Variants in PTPRT observed in about 807,000 individuals in gnomAD.
The protein encoded by PTPRT is protein tyrosine phosphatase receptor type T, also known as receptor-type tyrosine-protein phosphatase T.
Under a neutral mutation model 176.8 loss-of-function variants are expected in PTPRT, and 56 were observed. The observed-to-expected ratio is 0.32, with a 90% CI of 0.26 to 0.40. PTPRT has a LOEUF of 0.40. Ranked by LOEUF, PTPRT falls within the 10% of genes least tolerant of loss-of-function variation. The probability of loss-of-function intolerance (pLI) is 1.00; values close to 1 mark genes in which losing one functional copy is unlikely to be tolerated. For synonymous variants in PTPRT, 783 were observed against 739.0 expected (o/e 1.06, Z -0.96); for missense variants, 1,540 against 1,908.2 (o/e 0.81, Z 3.60).
At chr20:42,992,601 C>T (rs988740444) in intron 1 of PTPRT, among the ~76,000 whole-genome samples, 1 of 152,122 alleles carries the variant, frequency 6.6e-6, no homozygotes, top group South Asian at 2.1e-4. Flanking sequence ...ATAGCTGAGC[C>T]AAAAAAGAAA....
At chr20:42,543,139 G>C (rs910637996) in intron 7 of PTPRT, among the ~76,000 whole-genome samples, 3 of 152,160 alleles carry the variant, frequency 2.0e-5, no homozygotes, top group Non-Finnish European at 4.4e-5. Flanking sequence ...AGTGAAGTTT[G>C]CAGTATCAAT....
chr20:42,897,742 A>G (rs1160744724), intron 1 of PTPRT, among the ~76,000 whole-genome samples: 2 of 152,114 alleles, frequency 1.3e-5, no homozygotes, highest in Non-Finnish European at 2.9e-5. Flanking sequence ...TTACTTAGTT[A>G]TATGACCTTG....
Position 42,073,103 on chromosome 20 carries a change from A to G in PTPRT, c.*7776T>C, listed in dbSNP as rs1422119969. ...AAGTGCAGGCCATTGGGATTCATGGAGGAGGCTGCAAAGAGTGTGGAGACT... is the reference window on the plus strand; with the variant it reads ...AAGTGCAGGCCATTGGGATTCATGGGGGAGGCTGCAAAGAGTGTGGAGACT... On this transcript the variant is annotated 3_prime_UTR_variant, in exon 31 of 31. Coordinates refer to ENST00000373187, the MANE Select transcript of PTPRT (RefSeq NM_007050.6). 1 of 210,564 alleles carries G rather than the reference A, an allele frequency of 4.7e-6. No individual in the cohort carries two copies. Among genetic ancestry groups the G allele is most frequent in the Non-Finnish European group, 9.7e-6 (1 of 103,504 alleles). The allele number at this position is 210,564 out of a possible 1,614,324, so 13.0% of individuals were successfully genotyped here.
intron 1 of PTPRT, among the ~76,000 whole-genome samples, chr20:43,047,004 G>A (rs1217318119): frequency 6.6e-6 from 1 of 152,102 alleles, no homozygotes; most frequent in Non-Finnish European, 1.5e-5. Context: ...CTCTTGGACT[G>A]GTTTTGCTTA....
At chr20:42,267,852 TA>T (rs1276802230) in intron 13 of PTPRT, among the ~76,000 whole-genome samples, 1 of 152,210 alleles carries the variant, frequency 6.6e-6, no homozygotes, top group Non-Finnish European at 1.5e-5. Context: ...GCAAAGAAGT[TA>T]AAGCTTTTAT....
At chr20:43,153,762 G>A (rs1373999865) in intron 1 of PTPRT, among the ~76,000 whole-genome samples, 2 of 152,140 alleles carry the variant, frequency 1.3e-5, no homozygotes, top group South Asian at 2.1e-4. Context: ...AAAGATTAGC[G>A]CAATCGGTCA....
At chr20:42,932,752 C>T (rs529367786) in intron 1 of PTPRT, among the ~76,000 whole-genome samples, 1 of 152,318 alleles carries the variant, frequency 6.6e-6, no homozygotes, top group South Asian at 2.1e-4. Context: ...CTTAAAAATC[C>T]TCTATCCACC....
At chr20:43,052,202 T>C (rs1987075356) in intron 1 of PTPRT, among the ~76,000 whole-genome samples, 1 of 152,218 alleles carries the variant, frequency 6.6e-6, no homozygotes, top group Admixed American at 6.5e-5. Flanking sequence ...CGATTGCCTT[T>C]ATAGTGGTAG....
chr20:42,298,146 TA>T (rs1472061408), intron 12 of PTPRT, among the ~76,000 whole-genome samples: 1 of 151,996 alleles, frequency 6.6e-6, no homozygotes, highest in Non-Finnish European at 1.5e-5. Context: ...TAAATAACTT[TA>T]AAAATTGATA....
intron 18 of PTPRT, among the ~76,000 whole-genome samples, chr20:42,135,809 A>G (rs1288874116): frequency 6.6e-6 from 1 of 152,138 alleles, no homozygotes; most frequent in East Asian, 1.9e-4. Context: ...GGCTCCAAAA[A>G]GTTTAATAAC....
intron 15 of PTPRT, among the ~76,000 whole-genome samples, chr20:42,216,114 C>T (rs560281154): frequency 6.6e-6 from 1 of 152,312 alleles, no homozygotes; most frequent in South Asian, 2.1e-4. Flanking sequence ...CTTCTCCGTT[C>T]CACACTCACA....
At chr20:42,373,790 T>C (rs1388577521) in intron 9 of PTPRT, among the ~76,000 whole-genome samples, 1 of 152,180 alleles carries the variant, frequency 6.6e-6, no homozygotes, top group African/African-American at 2.4e-5. Flanking sequence ...TGCACACTGT[T>C]TGAGTCCAAG....
chr20:42,851,309 A>C (rs1201619911), intron 2 of PTPRT, among the ~76,000 whole-genome samples: 1 of 152,176 alleles, frequency 6.6e-6, no homozygotes, highest in East Asian at 1.9e-4. Flanking sequence ...AGATCCATGA[A>C]GACTCACAAG....
chr20:42,084,670 C>T lies in PTPRT; in HGVS notation c.4136+12G>A. Reference sequence around the variant, plus strand: ...CACCCTATTGCCCTGGTGACACCTCCCTAGTACTCACAGGCAGTGGACCAC... The same window carrying T: ...CACCCTATTGCCCTGGTGACACCTCTCTAGTACTCACAGGCAGTGGACCAC... On this transcript the variant is annotated intron_variant, in intron 29 of 30. Coordinates refer to ENST00000373187, the MANE Select transcript of PTPRT (RefSeq NM_007050.6). 2.0e-6 allele frequency: 3 copies of T among 1,469,694 alleles called. No individual in the cohort carries two copies. Among genetic ancestry groups the T allele is most frequent in the Non-Finnish European group, 1.8e-6 (2 of 1,097,240 alleles). The allele number at this position is 1,469,694 out of a possible 1,614,324, so 91.0% of individuals were successfully genotyped here. A position where few individuals can be genotyped will look rare whatever the true frequency, so the allele number is the denominator to read the frequency against.
rs529797219 is a variant in PTPRT at position 42,513,656 on chromosome 20, A to G, written c.1154-41094T>C. Among the ~76,000 whole-genome samples the G allele has an allele frequency of 6.6e-5, 10 of 152,300 alleles. No individual in the cohort carries two copies. The East Asian group carries it at 1.7e-3, about 26-fold the overall frequency. ...ATATATATGCTACACATAAAGTGTA[A>G]AGAACGATCATCAGAAGAACACTCT... On this transcript the variant is annotated intron_variant, in intron 7 of 30. Transcript: ENST00000373187.
intron 7 of PTPRT, among the ~76,000 whole-genome samples, chr20:42,538,537 C>T (rs1371776544): frequency 6.6e-6 from 1 of 152,154 alleles, no homozygotes; most frequent in African/African-American, 2.4e-5. Flanking sequence ...TGCTAATTGC[C>T]ACTAATGTGA....
At chr20:42,087,492 C>A (rs983189613) in intron 27 of PTPRT, among the ~76,000 whole-genome samples, 2 of 151,596 alleles carry the variant, frequency 1.3e-5, no homozygotes, top group Non-Finnish European at 2.9e-5. Context: ...CGTGATCCAC[C>A]CACCTTGGCC....
chr20:42,378,267 T>C (rs2058668807), intron 9 of PTPRT, among the ~76,000 whole-genome samples: 2 of 152,180 alleles, frequency 1.3e-5, no homozygotes, highest in Non-Finnish European at 2.9e-5. Context: ...CTTAAATATA[T>C]TAGGAGTCTT....
At chr20:42,586,890 T>G (rs973109412) in intron 7 of PTPRT, among the ~76,000 whole-genome samples, 1 of 152,180 alleles carries the variant, frequency 6.6e-6, no homozygotes, top group African/African-American at 2.4e-5. Flanking sequence ...AGAACCTTCA[T>G]GCACCAAGCT....
Sources: allele counts gnomAD v4.1 joint callset (sites outside exome capture counted in the v4.1 genomes callset), GRCh38; gene constraint gnomAD v4.1.1; transcripts MANE v1.5; gene names NCBI Gene and HGNC (gene_info 2026-07-23, HGNC 2026-07-21).